DIS3L2: variants seen among roughly 807,000 people sequenced by gnomAD.
The protein encoded by DIS3L2 is DIS3 like 3'-5' exoribonuclease 2.
Under a neutral mutation model 97.5 loss-of-function variants are expected in DIS3L2, and 34 were observed. That is an observed-to-expected ratio of 0.35 (90% CI 0.27 to 0.46). The LOEUF (loss-of-function observed/expected upper bound fraction) is 0.46. Ranked by LOEUF, DIS3L2 falls within the 20% of genes least tolerant of loss-of-function variation. The pLI, the probability that DIS3L2 is intolerant of heterozygous loss-of-function variation, is 1.00. For synonymous variants in DIS3L2, 435 were observed against 445.2 expected (o/e 0.98, Z 0.29); for missense variants, 1,038 against 1,146.0 (o/e 0.91, Z 1.36).
At position 232,321,819 on chromosome 2, in the gene DIS3L2, A is replaced by G. The variant is rs1674927963; in HGVS notation, c.1740-7994A>G. Among the ~76,000 whole-genome samples, 5 of 152,068 alleles carry G rather than the reference A, an allele frequency of 3.3e-5. No homozygotes were observed. The South Asian group carries it at 1.0e-3, about 31-fold the overall frequency. ...CCTTTGTTTCCAGGGGGGCCTGGAA[A>G]CAAGGCTTCCAAGGTGGCAACAGTG... On this transcript the variant is annotated intron_variant, in intron 14 of 20. Transcript: ENST00000325385.
At chr2:232,155,732 T>G (rs1387034826) in intron 8 of DIS3L2, among the ~76,000 whole-genome samples, 1 of 152,224 alleles carries the variant, frequency 6.6e-6, no homozygotes, top group Non-Finnish European at 1.5e-5. Context: ...GGCTCACGCC[T>G]GTAATCCCAG....
chr2:231,989,523 TC>T (rs996249199), intron 1 of DIS3L2, among the ~76,000 whole-genome samples: 2 of 152,028 alleles, frequency 1.3e-5, no homozygotes, highest in African/African-American at 4.8e-5. Context: ...TAAAAGAGTC[TC>T]CCCAAACGGT....
At chr2:231,983,887 T>TA (rs201338126) in intron 1 of DIS3L2, among the ~76,000 whole-genome samples, 203 of 135,386 alleles carry the variant, frequency 1.5e-3, no homozygotes, top group Middle Eastern at 3.9e-3. Context: ...AGACTCATCT[T>TA]AAAAAAAAAA....
At chr2:232,286,692 A>G (rs1694446356) in intron 13 of DIS3L2, among the ~76,000 whole-genome samples, 1 of 152,182 alleles carries the variant, frequency 6.6e-6, no homozygotes, top group Non-Finnish European at 1.5e-5. Flanking sequence ...GGTAAAAGAG[A>G]TTACATACTA....
chr2:232,225,861 A>G (rs1692630110), intron 10 of DIS3L2, among the ~76,000 whole-genome samples: 1 of 152,262 alleles, frequency 6.6e-6, no homozygotes. Flanking sequence ...AAAAAGAAAC[A>G]AAGTACACGA....
chr2:232,117,369 A>G (rs189359028), intron 6 of DIS3L2, among the ~76,000 whole-genome samples: 1 of 152,346 alleles, frequency 6.6e-6, no homozygotes, highest in East Asian at 1.9e-4. Flanking sequence ...TTCATAATAA[A>G]TACTTGTCTT....
At chr2:232,288,211 G>A (rs994498246) in intron 13 of DIS3L2, among the ~76,000 whole-genome samples, 1 of 152,218 alleles carries the variant, frequency 6.6e-6, no homozygotes, top group Admixed American at 6.5e-5. Context: ...GAGGAAGGAA[G>A]CAGAATTAGC....
At chr2:232,305,378 T>C (rs1365772835) in intron 14 of DIS3L2, among the ~76,000 whole-genome samples, 1 of 152,180 alleles carries the variant, frequency 6.6e-6, no homozygotes, top group Non-Finnish European at 1.5e-5. Flanking sequence ...ACGCCTGTCC[T>C]CATGTTTGGT....
At chr2:232,039,809 G>A (rs1695059466) in intron 5 of DIS3L2, among the ~76,000 whole-genome samples, 2 of 152,158 alleles carry the variant, frequency 1.3e-5, no homozygotes. Flanking sequence ...CAGATCTCTT[G>A]ACTTACAGCT....
In DIS3L2 at chr2:232,153,779, A is replaced by G. The variant is rs1158898333; in HGVS notation, c.951-9680A>G. On this transcript the variant is annotated intron_variant, in intron 8 of 20. Transcript: ENST00000325385. ...CTAGATTGGGGAAGTTCTCCTGGAT[A>G]ATATCCTGCAGAGTGTTTTCCAACT... 1.3e-3 allele frequency among the ~76,000 whole-genome samples: 194 copies of G among 151,220 alleles called. 2 individuals carry two copies. Among genetic ancestry groups the G allele is most frequent in the African/African-American group, 3.6e-3 (146 of 40,840 alleles).
intron 8 of DIS3L2, among the ~76,000 whole-genome samples, chr2:232,149,033 C>A (rs1690312333): frequency 1.3e-5 from 2 of 149,210 alleles, no homozygotes; most frequent in Admixed American, 1.3e-4. Context: ...GAAATAGGCA[C>A]TGTCCAGGCA....
At chr2:232,313,457 G>A (rs1695188350) in intron 14 of DIS3L2, among the ~76,000 whole-genome samples, 1 of 152,218 alleles carries the variant, frequency 6.6e-6, no homozygotes. Flanking sequence ...TCTCATGGCT[G>A]TACATTTGAA....
chr2:232,112,634 T>C (rs750414523), intron 6 of DIS3L2, among the ~76,000 whole-genome samples: 1 of 152,086 alleles, frequency 6.6e-6, no homozygotes, highest in Admixed American at 6.6e-5. Context: ...CCACTAGATA[T>C]TTTTCTTCAT....
chr2:232,245,251 C>T (rs1175233670), intron 11 of DIS3L2, among the ~76,000 whole-genome samples: 1 of 152,190 alleles, frequency 6.6e-6, no homozygotes, highest in African/African-American at 2.4e-5. Flanking sequence ...CCATCGCAGG[C>T]CTCATGTAGC....
intron 12 of DIS3L2, among the ~76,000 whole-genome samples, chr2:232,254,252 TAAA>T (rs894144328): frequency 3.4e-5 from 5 of 148,406 alleles, no homozygotes; most frequent in African/African-American, 7.5e-5. Context: ...ATCGGGTTAA[TAAA>T]AAAAAAGCAC....
At chr2:232,194,409 C>T (rs1438088377) in intron 9 of DIS3L2, among the ~76,000 whole-genome samples, 1 of 151,966 alleles carries the variant, frequency 6.6e-6, no homozygotes, top group Non-Finnish European at 1.5e-5. Context: ...ATCATGAATT[C>T]AGGGTGTTTT....
At chr2:232,203,522 G>A (rs1487140129) in intron 9 of DIS3L2, among the ~76,000 whole-genome samples, 1 of 152,218 alleles carries the variant, frequency 6.6e-6, no homozygotes, top group Non-Finnish European at 1.5e-5. Context: ...GTGGAAAAGT[G>A]CTCCACAAGA....
rs1040290405 is a variant in DIS3L2 at position 232,292,119 on chromosome 2, C to T, written c.1660-7921C>T. Among the ~76,000 whole-genome samples, 2 of 152,194 alleles carry T rather than the reference C, an allele frequency of 1.3e-5. No individual in the cohort carries two copies. The highest frequency in any genetic ancestry group is 2.1e-4 in the South Asian group (1 of 4,828). Reference sequence around the variant, plus strand: ...CTAGCCACACTTTCCTGTCTTGTCTCGTCACGCTTCTGGTTATTCTTATGA... The same window carrying T: ...CTAGCCACACTTTCCTGTCTTGTCTTGTCACGCTTCTGGTTATTCTTATGA... On this transcript the variant is annotated intron_variant, in intron 13 of 20. Coordinates refer to ENST00000325385, the MANE Select transcript of DIS3L2 (RefSeq NM_152383.5). The surrounding 1 kb of genome is among the most constrained non-coding windows in gnomAD (Gnocchi z 4.4).
Position 232,176,454 on chromosome 2 carries a change from T to A in DIS3L2, c.1124+12822T>A, listed in dbSNP as rs180965648. On this transcript the variant is annotated intron_variant, in intron 9 of 20. Coordinates refer to ENST00000325385, the MANE Select transcript of DIS3L2 (RefSeq NM_152383.5). ...CTTTTTATTTCCTTCTCTTTTTTTTTAAATTCTCTTTTTCATTTATTTCTA... is the reference window on the plus strand; with the variant it reads ...CTTTTTATTTCCTTCTCTTTTTTTTAAAATTCTCTTTTTCATTTATTTCTA... Among the ~76,000 whole-genome samples the A allele has an allele frequency of 2.2e-3, 334 of 152,184 alleles. 2 individuals are homozygous for A. Among genetic ancestry groups the A allele is most frequent in the African/African-American group, 7.3e-3 (304 of 41,536 alleles).
Sources: gnomAD v4.1 joint callset for allele counts (sites outside exome capture counted in the v4.1 genomes callset) on GRCh38, gnomAD v4.1.1 for gene constraint, Gnocchi (gnomAD v3.1) non-coding constraint, MANE v1.5 for transcripts, NCBI Gene and HGNC (gene_info 2026-07-23, HGNC 2026-07-21) for gene names.